Variants in MTAP observed in about 807,000 individuals in gnomAD.
MTAP encodes the protein methylthioadenosine phosphorylase, also known as S-methyl-5'-thioadenosine phosphorylase.
MTAP carries 33 observed loss-of-function variants against 33.6 expected under a neutral mutation model. The ratio of observed to expected loss-of-function variants is 0.98; its 90% confidence interval spans 0.74 to 1.31. The LOEUF is 1.31. MTAP is among the 40% of genes most tolerant of loss of function. The pLI is 0.00. For missense variants in MTAP, 367 were observed against 360.0 expected (o/e 1.02, Z -0.16); for synonymous variants, 148 against 125.7 (o/e 1.18, Z -1.19).
At chr9:21,847,204 G>T (rs561070332) in intron 5 of MTAP, among the ~76,000 whole-genome samples, 2 of 152,172 alleles carry the variant, frequency 1.3e-5, no homozygotes, top group South Asian at 4.1e-4. Context: ...GGCTCTCCTT[G>T]CTCCTCAGCC....
At position 21,866,581 on chromosome 9, in the gene MTAP, A is replaced by G. The variant is rs1354619946; in HGVS notation, c.*4567A>G. 1.3e-5 allele frequency: 2 copies of G among 152,044 alleles called. No individual in the cohort carries two copies. Among genetic ancestry groups the G allele is most frequent in the African/African-American group, 2.4e-5 (1 of 41,408 alleles). 9.4% of individuals were successfully genotyped at this position (152,044 alleles called of 1,614,324 possible). A position where few individuals can be genotyped will look rare whatever the true frequency, so the allele number is the denominator to read the frequency against. On this transcript the variant is annotated 3_prime_UTR_variant, in exon 8 of 8. Coordinates refer to ENST00000644715, the MANE Select transcript of MTAP (RefSeq NM_002451.4). The stretch of plus-strand genomic sequence containing the variant: ...GTTTATCTGTGAATCTGGATGATCT[A>G]TTTATGTCATTTATCTATGTGTCTC...
intron 4 of MTAP, among the ~76,000 whole-genome samples, chr9:21,827,609 A>G (rs1023260082): frequency 6.6e-6 from 1 of 152,164 alleles, no homozygotes; most frequent in Admixed American, 6.5e-5. Flanking sequence ...CTGACATTAT[A>G]TATTTGTGAC....
chr9:21,911,717 G>T (rs1818579859), intron 1 of MTAP, among the ~76,000 whole-genome samples: 2 of 152,112 alleles, frequency 1.3e-5, no homozygotes, highest in African/African-American at 4.8e-5. Context: ...ACAATTAAAA[G>T]AACTAGAGAA....
intron 5 of MTAP, among the ~76,000 whole-genome samples, chr9:21,842,021 T>TTTTA: frequency 6.6e-6 from 1 of 152,150 alleles, no homozygotes; most frequent in African/African-American, 2.4e-5. Flanking sequence ...CATAAAGAAA[T>TTTTA]TTTAAAAAAC....
At chr9:21,928,245 C>A (rs1436042296) in intron 1 of MTAP, among the ~76,000 whole-genome samples, 1 of 152,192 alleles carries the variant, frequency 6.6e-6, no homozygotes, top group Non-Finnish European at 1.5e-5. Context: ...TTGAAAAGGA[C>A]AGTCTAGGGT....
At position 21,861,450 on chromosome 9, in the gene MTAP, C is replaced by G. The variant is rs78443963; in HGVS notation, c.814-526C>G. On this transcript the variant is annotated intron_variant, in intron 7 of 7. Coordinates refer to ENST00000644715, the MANE Select transcript of MTAP (RefSeq NM_002451.4). ...CTTCATGCTACAGCATTAAGGAACACCATACTAATAATCCCTTTTTCTGGG... is the reference window on the plus strand; with the variant it reads ...CTTCATGCTACAGCATTAAGGAACAGCATACTAATAATCCCTTTTTCTGGG... 5.6e-3 allele frequency: 861 copies of G among 154,650 alleles called. 17 individuals carry two copies. Among genetic ancestry groups the G allele is most frequent in the East Asian group, 0.053 (277 of 5,224 alleles). The allele number at this position is 154,650 out of a possible 1,614,324, so 9.6% of individuals were successfully genotyped here.
intron 4 of MTAP, among the ~76,000 whole-genome samples, chr9:21,826,615 A>ATTATTATTATTG (rs1824811343): frequency 4.5e-5 from 2 of 44,436 alleles, no homozygotes; most frequent in African/African-American, 1.0e-4. Flanking sequence ...TTTGTTTATT[A>ATTATTATTATTG]TTATTATTAT....
chr9:21,869,171 T>C (rs1444601580), downstream of MTAP, among the ~76,000 whole-genome samples: 3 of 152,198 alleles, frequency 2.0e-5, no homozygotes, highest in Non-Finnish European at 4.4e-5. Context: ...TTTTTAAGCT[T>C]TTCATTGGCA....
At chr9:21,876,321 C>G (rs932828260) in intron 1 of MTAP, among the ~76,000 whole-genome samples, 1 of 152,002 alleles carries the variant, frequency 6.6e-6, no homozygotes, top group African/African-American at 2.4e-5. Flanking sequence ...TATAGGTTGT[C>G]TGTTTACTCT....
At chr9:21,850,633 C>T (rs977027015) in intron 5 of MTAP, among the ~76,000 whole-genome samples, 2 of 152,212 alleles carry the variant, frequency 1.3e-5, no homozygotes, top group Non-Finnish European at 1.5e-5. Context: ...GAGCAAGGTC[C>T]TGCCATCTTC....
downstream of MTAP, chr9:21,867,089 T>C (rs1464255627): frequency 1.3e-5 from 2 of 152,174 alleles, no homozygotes; most frequent in Admixed American, 6.5e-5. Context: ...GTAGTAGTTC[T>C]TATTTTTATT....
At chr9:21,849,113 C>T (rs559791412) in intron 5 of MTAP, among the ~76,000 whole-genome samples, 1 of 152,230 alleles carries the variant, frequency 6.6e-6, no homozygotes, top group African/African-American at 2.4e-5. Context: ...AGCCCCTCAA[C>T]CAATTTCCAG....
intron 4 of MTAP, among the ~76,000 whole-genome samples, chr9:21,821,334 AGG>A (rs1563833676): frequency 6.6e-6 from 1 of 152,202 alleles, no homozygotes; most frequent in African/African-American, 2.4e-5. Context: ...TTTAGCATGA[AGG>A]GCTGTTGAAT....
At chr9:21,840,257 C>A (rs563845860) in intron 5 of MTAP, among the ~76,000 whole-genome samples, 1 of 151,692 alleles carries the variant, frequency 6.6e-6, no homozygotes, top group Non-Finnish European at 1.5e-5. Context: ...ACAGGGCTAA[C>A]GTGCAGCTTC....
chr9:21,828,699 A>G (rs1224263526), intron 4 of MTAP, among the ~76,000 whole-genome samples: 1 of 152,216 alleles, frequency 6.6e-6, no homozygotes, highest in Non-Finnish European at 1.5e-5. Context: ...GATCCCTAAG[A>G]GAATATAATT....
intron 1 of MTAP, among the ~76,000 whole-genome samples, chr9:21,908,007 A>G (rs1040246203): frequency 7.9e-5 from 12 of 152,304 alleles, no homozygotes; most frequent in Admixed American, 5.9e-4. Context: ...AAGAAAAGCT[A>G]TAGTACAATA....
intron 5 of MTAP, among the ~76,000 whole-genome samples, chr9:21,844,465 A>T (rs1218086139): frequency 6.6e-6 from 1 of 152,224 alleles, no homozygotes; most frequent in African/African-American, 2.4e-5. Flanking sequence ...ATGTACGTAG[A>T]TGCAAAAATC....
intron 5 of MTAP, among the ~76,000 whole-genome samples, chr9:21,843,149 A>G (rs1022618849): frequency 1.3e-5 from 2 of 152,226 alleles, no homozygotes; most frequent in Non-Finnish European, 2.9e-5. Flanking sequence ...CTTTAAAACA[A>G]CAACAGTTAA....
At chr9:21,855,044 G>A (rs1825605847) in intron 6 of MTAP, among the ~76,000 whole-genome samples, 174 bp downstream of exon 6, 1 of 152,208 alleles carries the variant, frequency 6.6e-6, no homozygotes, top group Non-Finnish European at 1.5e-5. Flanking sequence ...TCAAAGGAAA[G>A]AAAGAGACAC....
Sources: gnomAD v4.1 joint callset for allele counts (sites outside exome capture counted in the v4.1 genomes callset) on GRCh38, gnomAD v4.1.1 for gene constraint, MANE v1.5 for transcripts, NCBI Gene and HGNC (gene_info 2026-07-23, HGNC 2026-07-21) for gene names.